PIK3R5: variants seen among roughly 807,000 people sequenced by gnomAD.
PIK3R5 encodes the protein phosphoinositide 3-kinase regulatory subunit 5.
In PIK3R5, 32 loss-of-function variants were observed where a neutral mutation model predicts 94.9. That is an observed-to-expected ratio of 0.34 (90% confidence interval 0.25 to 0.45). The LOEUF is 0.45. Among genes scored for constraint, PIK3R5 ranks in the 20% least tolerant of loss-of-function variants. The pLI, the probability that PIK3R5 is intolerant of heterozygous loss-of-function variation, is 1.00. For missense variants in PIK3R5, 853 were observed against 1,144.6 expected (o/e 0.75, Z 3.68); for synonymous variants, 443 against 479.4 (o/e 0.92, Z 0.99).
intron 10 of PIK3R5, 145 bp from the exon 11 acceptor site, chr17:8,887,828 AC>A: frequency 1.6e-6 from 1 of 625,536 alleles, no homozygotes; most frequent in Non-Finnish European, 2.6e-6. Flanking sequence ...CCCCATCTCT[AC>A]TAAGACAAAA....
chr17:8,939,685 C>G (rs1439807276), intron 1 of PIK3R5, among the ~76,000 whole-genome samples: 1 of 152,220 alleles, frequency 6.6e-6, no homozygotes, highest in Non-Finnish European at 1.5e-5. Flanking sequence ...ACTTCAGTTA[C>G]AGGTGAGTGA....
chr17:8,964,969 C>T (rs1364029936), intron 1 of PIK3R5, among the ~76,000 whole-genome samples: 2 of 151,606 alleles, frequency 1.3e-5, no homozygotes, highest in African/African-American at 2.4e-5. Flanking sequence ...TACCCCAGGC[C>T]GGGATGGGCC....
rs76596848 is a variant in PIK3R5 at position 8,937,011 on chromosome 17, C to T, written c.-13-25504G>A. ...TATCTGATTATTTCATTTTTTGGTGCTAGTGTAAATGGTATTGTATTTTTA... is the reference window on the plus strand; with the variant it reads ...TATCTGATTATTTCATTTTTTGGTGTTAGTGTAAATGGTATTGTATTTTTA... On this transcript the variant is annotated intron_variant, in intron 1 of 18. Transcript: ENST00000447110. Among the ~76,000 whole-genome samples, 6 of 152,028 alleles carry T rather than the reference C, an allele frequency of 3.9e-5. No homozygotes were observed. The East Asian group carries it at 1.2e-3, about 29-fold the overall frequency.
intron 1 of PIK3R5, among the ~76,000 whole-genome samples, chr17:8,931,651 C>G (rs1052700235): frequency 6.6e-6 from 1 of 152,070 alleles, no homozygotes; most frequent in Non-Finnish European, 1.5e-5. Flanking sequence ...AAGAGGGAAA[C>G]GTGAAAAAGA....
chr17:8,891,501 G>A (rs1355674876), intron 6 of PIK3R5, among the ~76,000 whole-genome samples: 1 of 152,164 alleles, frequency 6.6e-6, no homozygotes, highest in Non-Finnish European at 1.5e-5. Flanking sequence ...GCTGGGAGGG[G>A]ACTGTGTGCC....
intron 1 of PIK3R5, among the ~76,000 whole-genome samples, chr17:8,961,296 C>T (rs548318634): frequency 4.6e-5 from 7 of 152,162 alleles, no homozygotes; most frequent in African/African-American, 1.2e-4. Flanking sequence ...GGGTGTGGAC[C>T]GTCTCTGGAA....
intron 6 of PIK3R5, among the ~76,000 whole-genome samples, chr17:8,891,988 A>G (rs2090037783): frequency 6.6e-6 from 1 of 152,092 alleles, no homozygotes; most frequent in African/African-American, 2.4e-5. Context: ...TTAACAACGC[A>G]CGGCTGTTCT....
At chr17:8,929,955 C>A (rs182774948) in intron 1 of PIK3R5, among the ~76,000 whole-genome samples, 9 of 152,208 alleles carry the variant, frequency 5.9e-5, no homozygotes, top group Non-Finnish European at 1.0e-4. Flanking sequence ...ACCCCAAAAG[C>A]GATCGAATTT....
chr17:8,927,567 G>C (rs1360583944), intron 1 of PIK3R5, among the ~76,000 whole-genome samples: 1 of 152,214 alleles, frequency 6.6e-6, no homozygotes, highest in Non-Finnish European at 1.5e-5. Flanking sequence ...CTAGCAGGGA[G>C]TCAAGACTTT....
chr17:8,912,780 G>A (rs1422505848), intron 1 of PIK3R5, among the ~76,000 whole-genome samples: 2 of 152,214 alleles, frequency 1.3e-5, no homozygotes, highest in Admixed American at 6.5e-5. Flanking sequence ...TTCAGCTTAC[G>A]GAGGCCCCAC....
rs1332288859 is a variant in PIK3R5, at chr17:8,945,018, C to T, written c.-14+20578G>A. 1.1e-4 allele frequency among the ~76,000 whole-genome samples: 16 copies of T among 152,160 alleles called. No individual in the cohort carries two copies. Among genetic ancestry groups the T allele is most frequent in the Non-Finnish European group, 2.4e-4 (16 of 68,028 alleles). ...AAGTCAGGGTGTGGAAGAGGTTCTT[C>T]CTCTCCAGGAAGATGCTGGTGCTTG... On this transcript the variant is annotated intron_variant, in intron 1 of 18. Coordinates refer to ENST00000447110, the MANE Select transcript of PIK3R5 (RefSeq NM_001142633.3). The surrounding 1 kb of genome is among the most constrained non-coding windows in gnomAD (Gnocchi z 4.0).
At chr17:8,956,649 C>T (rs8074223) in intron 1 of PIK3R5, among the ~76,000 whole-genome samples, 93,955 of 151,930 alleles carry the variant, frequency 0.62, 31,969 homozygotes, top group Non-Finnish European at 0.76. Context: ...CCAAGGAGAG[C>T]GCAGAGCTTT....
chr17:8,927,632 T>A (rs559393198), intron 1 of PIK3R5, among the ~76,000 whole-genome samples: 7 of 152,288 alleles, frequency 4.6e-5, no homozygotes, highest in African/African-American at 1.4e-4. Flanking sequence ...GCATTGTAGC[T>A]GTAAGGAGGC....
At position 8,890,735 on chromosome 17, in the gene PIK3R5, T is replaced by A; in HGVS notation, c.657+3A>T. The A allele has an allele frequency of 6.2e-7, 1 of 1,604,730 alleles. No individual in the cohort carries two copies. ...ACCAGAGCCCCAGGCCCCAGGTACA[T>A]ACCTGTAGCCTGCAGTGCAGGCCCG... On this transcript the variant is annotated splice_donor_region_variant and intron_variant, in intron 7 of 18. Coordinates refer to ENST00000447110, the MANE Select transcript of PIK3R5 (RefSeq NM_001142633.3). The surrounding 1 kb of genome is among the most constrained non-coding windows in gnomAD (Gnocchi z 6.1).
chr17:8,926,593 C>T (rs1270831033), intron 1 of PIK3R5, among the ~76,000 whole-genome samples: 1 of 152,140 alleles, frequency 6.6e-6, no homozygotes, highest in African/African-American at 2.4e-5. Context: ...AAAAGTAAAA[C>T]CCCTGATAGA....
rs774548623 is a variant in PIK3R5 at position 8,955,410 on chromosome 17, G to A, written c.-14+10186C>T. On this transcript the variant is annotated intron_variant, in intron 1 of 18. Transcript: ENST00000447110. This position sits in a 1 kb window ranked among gnomAD's most constrained non-coding sequence, Gnocchi z 4.4. Reference sequence around the variant, plus strand: ...ACACGTTAGGTCTTGGGAAAACTGAGTCAGGCAGTCTGGCTGGAGGAGAGC... The same window carrying A: ...ACACGTTAGGTCTTGGGAAAACTGAATCAGGCAGTCTGGCTGGAGGAGAGC... 6.6e-6 allele frequency among the ~76,000 whole-genome samples: 1 copy of A among 152,226 alleles called. No homozygotes were observed. Among genetic ancestry groups the A allele is most frequent in the African/African-American group, 2.4e-5 (1 of 41,452 alleles).
intron 1 of PIK3R5, among the ~76,000 whole-genome samples, chr17:8,943,869 C>G (rs749083545): frequency 1.4e-5 from 2 of 146,568 alleles, no homozygotes; most frequent in Non-Finnish European, 3.0e-5. Context: ...TCTGCTGTAC[C>G]CTAGGGAATA....
Position 8,881,896 on chromosome 17 carries a change from T to C in PIK3R5, c.2206-15A>G, listed in dbSNP as rs1304942200. ...CTGATGGCCCCCTGGAAATGCAGTG[T>C]AGCCAGACCCTCTGAGTCCAGAGGC... On this transcript the variant is annotated splice_polypyrimidine_tract_variant and intron_variant, in intron 15 of 18. Transcript: ENST00000447110. This position sits in a 1 kb window ranked among gnomAD's most constrained non-coding sequence, Gnocchi z 4.8. 3 of 1,605,000 alleles carry C rather than the reference T, an allele frequency of 1.9e-6. No homozygotes were observed. The highest frequency in any genetic ancestry group is 2.6e-6 in the Non-Finnish European group (3 of 1,173,468).
intron 1 of PIK3R5, among the ~76,000 whole-genome samples, chr17:8,941,326 C>A (rs1045320062): frequency 1.3e-5 from 2 of 151,914 alleles, no homozygotes; most frequent in South Asian, 2.1e-4. Flanking sequence ...CCTCCCCACG[C>A]AGTGATTCGG....
Sources: allele counts gnomAD v4.1 joint callset (sites outside exome capture counted in the v4.1 genomes callset), GRCh38; gene constraint gnomAD v4.1.1; non-coding constraint Gnocchi (gnomAD v3.1); transcripts MANE v1.5; gene names NCBI Gene and HGNC (gene_info 2026-07-23, HGNC 2026-07-21).